HDAC9: variants seen among roughly 807,000 people sequenced by gnomAD.
HDAC9 encodes the protein histone deacetylase 9, also known as MEF-2 interacting transcription repressor (MITR) protein.
HDAC9 carries 41 observed loss-of-function variants against 139.4 expected under a neutral mutation model. The ratio of observed to expected loss-of-function variants is 0.29; its 90% CI spans 0.23 to 0.38. HDAC9 has a LOEUF of 0.38. Among genes scored for constraint, HDAC9 ranks in the 10% least tolerant of loss-of-function variants. HDAC9 has a pLI of 1.00. For synonymous variants in HDAC9, 517 were observed against 476.2 expected (o/e 1.09, Z -1.12); for missense variants, 1,147 against 1,297.0 (o/e 0.88, Z 1.78).
intron 1 of HDAC9, among the ~76,000 whole-genome samples, chr7:18,393,249 G>T (rs553107171): frequency 1.1e-4 from 16 of 152,102 alleles, no homozygotes; most frequent in African/African-American, 2.9e-4. Context: ...AAGTTTATAA[G>T]AAGTATCCTG....
chr7:18,545,212 C>T (rs1814383645), intron 2 of HDAC9, among the ~76,000 whole-genome samples: 1 of 151,980 alleles, frequency 6.6e-6, no homozygotes. Context: ...ACAGTGGCAT[C>T]TGTCAAGCAC....
At chr7:18,361,805 G>A (rs1354132027) in intron 1 of HDAC9, among the ~76,000 whole-genome samples, 1 of 151,202 alleles carries the variant, frequency 6.6e-6, no homozygotes, top group Non-Finnish European at 1.5e-5. Flanking sequence ...TTCGTTTATT[G>A]CAAGGAGAGA....
At chr7:18,670,532 C>T (rs765417702) in intron 12 of HDAC9, among the ~76,000 whole-genome samples, 1 of 152,082 alleles carries the variant, frequency 6.6e-6, no homozygotes, top group Non-Finnish European at 1.5e-5. Flanking sequence ...CACTTCATAT[C>T]TATTAGCTCA....
intron 23 of HDAC9, among the ~76,000 whole-genome samples, chr7:18,950,506 CTCT>C (rs1431980329): frequency 1.1e-4 from 16 of 152,014 alleles, no homozygotes; most frequent in Non-Finnish European, 1.6e-4. Flanking sequence ...TAAAGGCCAC[CTCT>C]TCATGTTATT....
intron 12 of HDAC9, among the ~76,000 whole-genome samples, chr7:18,716,506 G>T (rs573193345): frequency 6.6e-6 from 1 of 151,914 alleles, no homozygotes; most frequent in East Asian, 1.9e-4. Context: ...AATGCTTCAA[G>T]GCAGTTGAAT....
chr7:18,778,825 C>T (rs1053313218), intron 16 of HDAC9, among the ~76,000 whole-genome samples: 3 of 152,004 alleles, frequency 2.0e-5, no homozygotes, highest in Non-Finnish European at 4.4e-5. Context: ...AAGTAAATAG[C>T]AAAAGGCAGA....
rs10215803 is a variant in HDAC9 at position 18,618,729 on chromosome 7, T to C, written c.665-10621T>C. 3.7e-4 allele frequency among the ~76,000 whole-genome samples: 5 copies of C among 13,356 alleles called. No homozygotes were observed. In the African/African-American group the frequency reaches 4.6e-3, roughly 12 times the overall value. 8.8% of individuals were successfully genotyped at this position (13,356 alleles called of 152,430 possible). On this transcript the variant is annotated intron_variant, in intron 6 of 25. Transcript: ENST00000686413. ...GATATATCTAGTACAGAATTTTGTATATATATATATATATATATATATATA... is the reference window on the plus strand; with the variant it reads ...GATATATCTAGTACAGAATTTTGTACATATATATATATATATATATATATA...
In HDAC9 at chr7:18,758,788, AT is replaced by A. The variant is rs34349667; in HGVS notation, c.2044-3354del. 4.6e-3 allele frequency among the ~76,000 whole-genome samples: 664 copies of A among 144,424 alleles called. 3 individuals are homozygous for A. The highest frequency in any genetic ancestry group is 7.7e-3 in the African/African-American group (306 of 39,900). The allele number at this position is 144,424 out of a possible 152,430, so 94.7% of individuals were successfully genotyped here. ...CCAGATCCTGTCTACAGGTAGAAAC[AT>A]TTTTTTTTTTTTTTGGTACTGAATT... On this transcript the variant is annotated intron_variant, in intron 14 of 25. Transcript: ENST00000686413.
At chr7:18,236,402 T>C (rs180731791) in intron 2 of HDAC9, among the ~76,000 whole-genome samples, 1 of 152,194 alleles carries the variant, frequency 6.6e-6, no homozygotes, top group African/African-American at 2.4e-5. Context: ...GGCATGAGTG[T>C]CTTATTCCAA....
chr7:18,452,465 A>G (rs1346014471), intron 1 of HDAC9, among the ~76,000 whole-genome samples: 2 of 152,168 alleles, frequency 1.3e-5, no homozygotes, highest in African/African-American at 4.8e-5. Flanking sequence ...TTTGTGGGAA[A>G]CTACAGGTGG....
At chr7:18,879,921 G>A (rs775358264) in intron 22 of HDAC9, among the ~76,000 whole-genome samples, 2 of 152,014 alleles carry the variant, frequency 1.3e-5, no homozygotes, top group African/African-American at 2.4e-5. Flanking sequence ...ATCTGACAAA[G>A]GTCTAATATT....
intron 12 of HDAC9, chr7:18,667,164 A>G (rs1795081238): frequency 5.1e-6 from 5 of 985,300 alleles, no homozygotes; most frequent in Non-Finnish European, 4.8e-6. Flanking sequence ...TGTCTCACAT[A>G]GCACTGCTCA....
intron 1 of HDAC9, among the ~76,000 whole-genome samples, chr7:18,334,381 A>T (rs1199196012): frequency 1.3e-5 from 2 of 151,520 alleles, no homozygotes; most frequent in African/African-American, 4.8e-5. Context: ...GATCAAAAGA[A>T]AAAACATCTC....
chr7:18,954,980 C>T (rs1221883584), intron 24 of HDAC9, among the ~76,000 whole-genome samples: 1 of 151,962 alleles, frequency 6.6e-6, no homozygotes, highest in African/African-American at 2.4e-5. Context: ...GTTAAATTAC[C>T]CATTTATTTG....
intron 1 of HDAC9, among the ~76,000 whole-genome samples, chr7:18,386,090 C>A (rs1785904494): frequency 6.6e-6 from 1 of 152,168 alleles, no homozygotes. Context: ...TATCTGTCTA[C>A]CCCATTTCTC....
chr7:18,115,204 A>G (rs1783893866), intron 1 of HDAC9, among the ~76,000 whole-genome samples: 1 of 151,904 alleles, frequency 6.6e-6, no homozygotes, highest in African/African-American at 2.4e-5. Context: ...GAGGCAGGAG[A>G]ATGGCATGAA....
At chr7:18,402,036 A>G (rs943286468) in intron 1 of HDAC9, among the ~76,000 whole-genome samples, 1 of 152,122 alleles carries the variant, frequency 6.6e-6, no homozygotes, top group Non-Finnish European at 1.5e-5. Context: ...TCTTTTCTCA[A>G]TAATCTATTT....
rs557896175 is a variant in HDAC9, at chr7:18,440,986, G to A, written c.-41-55276G>A. On this transcript the variant is annotated intron_variant, in intron 1 of 3. Transcript: ENST00000413509. ...CTTTAATTAAGTGCATTAGGGACAC[G>A]AGATTTGGCTTCTAGTTCCAGATTT... Among the ~76,000 whole-genome samples, 11 of 152,286 alleles carry A rather than the reference G, an allele frequency of 7.2e-5. 1 individual carries two copies. In the South Asian group the frequency reaches 2.1e-3, roughly 29 times the overall value.
chr7:18,283,083 A>G (rs1797208356), intron 2 of HDAC9, among the ~76,000 whole-genome samples: 1 of 152,020 alleles, frequency 6.6e-6, no homozygotes, highest in South Asian at 2.1e-4. Context: ...CTGTTTTCAC[A>G]CTGCTAGAAA....
Sources: gnomAD v4.1 joint callset for allele counts (sites outside exome capture counted in the v4.1 genomes callset) on GRCh38, gnomAD v4.1.1 for gene constraint, MANE v1.5 for transcripts, NCBI Gene and HGNC (gene_info 2026-07-23, HGNC 2026-07-21) for gene names.